AVEN: variants seen among roughly 807,000 people sequenced by gnomAD.
AVEN encodes cell death regulator Aven.
AVEN carries 41 observed loss-of-function variants against 38.1 expected under a neutral mutation model. The ratio of observed to expected loss-of-function variants is 1.08; its 90% CI spans 0.84 to 1.40. The LOEUF (loss-of-function observed/expected upper bound fraction) is 1.40. Ranked by LOEUF, AVEN falls within the 40% of genes most tolerant of loss-of-function variation. AVEN has a pLI of 0.00. For synonymous variants in AVEN, 206 were observed against 171.8 expected (o/e 1.20, Z -1.56); for missense variants, 605 against 438.8 (o/e 1.38, Z -3.38).
At chr15:34,054,705 G>A (rs1465687768) in intron 5 of AVEN, among the ~76,000 whole-genome samples, 2 of 152,126 alleles carry the variant, frequency 1.3e-5, no homozygotes, top group East Asian at 3.9e-4. Flanking sequence ...GGAGGAGGGA[G>A]AACATCAAGA....
intron 1 of AVEN, among the ~76,000 whole-genome samples, chr15:34,073,941 G>C (rs907742764): frequency 6.8e-6 from 1 of 147,614 alleles, no homozygotes; most frequent in African/African-American, 2.5e-5. Flanking sequence ...CGGAATTCTT[G>C]AGAAAAAACA....
chr15:34,057,138 T>G (rs1389116252), intron 5 of AVEN, among the ~76,000 whole-genome samples: 1 of 51,730 alleles, frequency 1.9e-5, no homozygotes, highest in Non-Finnish European at 9.8e-5. Context: ...TTTGGTTTTT[T>G]TTGGTTTTTT....
At chr15:33,865,358 A>AAATCTGTGCTATTTTGAAATTGATTT (rs1890149999), downstream of AVEN, 33 of 656,684 alleles carry the variant, frequency 5.0e-5, 1 homozygote, top group South Asian at 6.0e-4. Flanking sequence ...AAACTGCTGA[A>AAATCTGTGCTATTTTGAAATTGATTT]AATCTGTGCT....
At chr15:34,043,030 G>A (rs1899540851), upstream of AVEN, among the ~76,000 whole-genome samples, 1 of 151,858 alleles carries the variant, frequency 6.6e-6, no homozygotes, top group African/African-American at 2.4e-5. Flanking sequence ...GGTGGATCAC[G>A]AGGTCAGGAG....
chr15:34,020,644 TCA>T (rs1898163565), intron 1 of AVEN, among the ~76,000 whole-genome samples: 1 of 152,330 alleles, frequency 6.6e-6, no homozygotes, highest in Admixed American at 6.5e-5. Context: ...AGCTGTAACT[TCA>T]TAAAGCTATG....
Position 33,871,013 on chromosome 15 carries a change from C to T in AVEN, c.534G>A (p.Val178=). The change falls in exon 4 of 6, where the codon GTG becomes GTA. Residue 178 remains valine, a synonymous_variant. Transcript: ENST00000306730. ...SCPKQNSAFY[V]DSELLVRALQ... is the part of the protein sequence containing the mutation. The stretch of plus-strand genomic sequence containing the variant: ...GGGCTCGAACCAATAACTCACTATC[C>T]ACATAAAATGCTGAATTCTATATAT... The T allele has an allele frequency of 1.2e-6, 2 of 1,600,466 alleles. No homozygotes were observed. Among genetic ancestry groups the T allele is most frequent in the Non-Finnish European group, 8.5e-7 (1 of 1,172,118 alleles).
At chr15:33,968,732 T>C (rs1895496976) in intron 2 of AVEN, 3 of 152,148 alleles carry the variant, frequency 2.0e-5, no homozygotes, top group Admixed American at 2.0e-4. Context: ...GATAATGTTT[T>C]TTAAAGCAGC....
At chr15:33,863,522 G>C (rs772190075), downstream of AVEN, among the ~76,000 whole-genome samples, 1 of 152,172 alleles carries the variant, frequency 6.6e-6, no homozygotes, top group Non-Finnish European at 1.5e-5. Flanking sequence ...CGGTCTCTGA[G>C]ATCATATAAT....
At chr15:33,964,842 T>C (rs1895326582) in intron 2 of AVEN, among the ~76,000 whole-genome samples, 1 of 152,214 alleles carries the variant, frequency 6.6e-6, no homozygotes, top group South Asian at 2.1e-4. Flanking sequence ...GATTTCATTT[T>C]TGTAGAATGT....
chr15:33,856,389 G>A (rs1205528814), downstream of AVEN: 3 of 152,240 alleles, frequency 2.0e-5, no homozygotes, highest in Non-Finnish European at 4.4e-5. Context: ...TCAATGCCTA[G>A]TCCTTGAGAG....
chr15:33,916,584 A>G (rs1039942125), intron 2 of AVEN, among the ~76,000 whole-genome samples: 5 of 152,332 alleles, frequency 3.3e-5, no homozygotes, highest in African/African-American at 1.2e-4. Flanking sequence ...CACATATGAA[A>G]AAATGCTCAA....
chr15:34,002,191 T>C (rs1033886935), intron 2 of AVEN, among the ~76,000 whole-genome samples: 2 of 152,096 alleles, frequency 1.3e-5, no homozygotes, highest in Non-Finnish European at 2.9e-5. Context: ...TGTGCACACG[T>C]GTGTATATTA....
chr15:33,876,371 A>C (rs1382248429), intron 2 of AVEN, among the ~76,000 whole-genome samples: 1 of 152,194 alleles, frequency 6.6e-6, no homozygotes, highest in East Asian at 1.9e-4. Flanking sequence ...CAGGAGTACA[A>C]GACCAGCCTG....
intron 2 of AVEN, among the ~76,000 whole-genome samples, chr15:34,070,574 G>T (rs1372139933): frequency 6.6e-6 from 1 of 152,044 alleles, no homozygotes; most frequent in Middle Eastern, 3.2e-3. Context: ...ACAAAGCTAT[G>T]CATAAATGGG....
rs899007900 is a variant in AVEN at position 34,030,385 on chromosome 15, G to A, written c.267+8395C>T. Among the ~76,000 whole-genome samples the A allele has an allele frequency of 2.5e-4, 38 of 152,056 alleles. 1 individual carries two copies. Among genetic ancestry groups the A allele is most frequent in the South Asian group, 1.5e-3 (7 of 4,808 alleles). On this transcript the variant is annotated intron_variant, in intron 1 of 5. Coordinates refer to ENST00000306730, the MANE Select transcript of AVEN (RefSeq NM_020371.3). ...GTTTGAGACGGAGTCTTGCTCTGTC[G>A]CCCAGGCTGGAGTGCAGTGGCGCAA...
At chr15:33,989,255 G>A (rs1160038720) in intron 2 of AVEN, among the ~76,000 whole-genome samples, 1 of 151,930 alleles carries the variant, frequency 6.6e-6, no homozygotes, top group African/African-American at 2.4e-5. Context: ...TGACAGCCCC[G>A]TGTTAATGAC....
At chr15:34,007,636 T>G (rs1241868825) in intron 1 of AVEN, among the ~76,000 whole-genome samples, 1 of 152,204 alleles carries the variant, frequency 6.6e-6, no homozygotes, top group Admixed American at 6.5e-5. Context: ...TCCACACTTT[T>G]AGGTATTGGT....
intron 2 of AVEN, among the ~76,000 whole-genome samples, chr15:33,973,287 A>G (rs917803840): frequency 5.9e-5 from 9 of 152,242 alleles, no homozygotes; most frequent in Non-Finnish European, 1.2e-4. Flanking sequence ...TTATCAACTA[A>G]AAATCCTTAG....
intron 4 of AVEN, among the ~76,000 whole-genome samples, chr15:33,868,736 A>G (rs1890808541): frequency 6.6e-6 from 1 of 152,144 alleles, no homozygotes; most frequent in Non-Finnish European, 1.5e-5. Flanking sequence ...AAGCTACGGT[A>G]TTAGAAGTTA....
Sources: gnomAD v4.1 joint callset for allele counts (sites outside exome capture counted in the v4.1 genomes callset) on GRCh38, gnomAD v4.1.1 for gene constraint, MANE v1.5 for transcripts, NCBI Gene and HGNC (gene_info 2026-07-23, HGNC 2026-07-21) for gene names.